OTOGL: variants seen among roughly 807,000 people sequenced by gnomAD.
OTOGL encodes the protein otogelin like.
A neutral mutation model predicts 318.5 loss-of-function variants in OTOGL; 285 were observed. The observed-to-expected ratio is 0.89, with a 90% CI of 0.81 to 0.99. The LOEUF (loss-of-function observed/expected upper bound fraction) is 0.99, where lower values mean the gene tolerates loss of function less well. OTOGL is among the 50% of genes least tolerant of loss of function. The probability of loss-of-function intolerance (pLI) is 0.00; values close to 1 mark genes in which losing one functional copy is unlikely to be tolerated. For synonymous variants in OTOGL, 987 were observed against 936.5 expected (o/e 1.05, Z -0.99); for missense variants, 2,899 against 2,845.6 (o/e 1.02, Z -0.43).
At position 80,370,587 on chromosome 12, in the gene OTOGL, C is replaced by T. The variant is rs1243997251; in HGVS notation, c.6633C>T (p.His2211=). The part of the protein sequence containing the change: ...SVVYAVGSTW[H]YNCTTYECVK... ...ATTTTTAGGTAGGGAGTACCTGGCA[C>T]TACAATTGCACCACATATGAATGTG... The change falls in exon 56 of 59, where the codon CAC becomes CAT. Residue 2211 remains histidine (H), a synonymous_variant. Coordinates refer to ENST00000547103, the MANE Select transcript of OTOGL (RefSeq NM_001378609.3). 1.4e-5 allele frequency: 22 copies of T among 1,547,188 alleles called. No individual in the cohort carries two copies. The highest frequency in any genetic ancestry group is 1.7e-5 in the Non-Finnish European group (20 of 1,149,024).
intron 1 of OTOGL, among the ~76,000 whole-genome samples, chr12:80,161,362 T>G (rs533674332): frequency 6.6e-6 from 1 of 152,206 alleles, no homozygotes; most frequent in African/African-American, 2.4e-5. Context: ...TATAAAAAAT[T>G]ACCTAATGTT....
At chr12:80,136,069 T>A (rs934712994) in intron 1 of OTOGL, among the ~76,000 whole-genome samples, 1 of 152,244 alleles carries the variant, frequency 6.6e-6, no homozygotes, top group African/African-American at 2.4e-5. Flanking sequence ...CTGTCTATCT[T>A]TTTCCTATTG....
intron 26 of OTOGL, among the ~76,000 whole-genome samples, chr12:80,295,156 A>ATTTTTTTT (rs1565961509): frequency 1.3e-5 from 1 of 78,208 alleles, no homozygotes; most frequent in Non-Finnish European, 2.2e-5. Flanking sequence ...TGATTGCCGA[A>ATTTTTTTT]CTTTTTTTTT....
intron 18 of OTOGL, 60 bp from the exon 19 acceptor site, chr12:80,261,909 G>A: frequency 6.5e-7 from 1 of 1,542,824 alleles, no homozygotes; most frequent in Non-Finnish European, 8.8e-7. Flanking sequence ...TTAAATATCT[G>A]AAGGTTATGA....
intron 1 of OTOGL, among the ~76,000 whole-genome samples, chr12:80,181,331 T>TTCTC (rs57549257): frequency 0.14 from 20,578 of 149,160 alleles, 1,519 homozygotes; most frequent in African/African-American, 0.2. Flanking sequence ...TTAAATTTAC[T>TTCTC]TCTCTCTCTC....
chr12:80,295,644 C>T (rs1885341923), intron 26 of OTOGL, among the ~76,000 whole-genome samples: 1 of 152,194 alleles, frequency 6.6e-6, no homozygotes, highest in African/African-American at 2.4e-5. Context: ...GAAGTCTCTA[C>T]TGTCCACAAT....
At chr12:80,187,703 C>T (rs1368670234) in intron 1 of OTOGL, among the ~76,000 whole-genome samples, 2 of 152,182 alleles carry the variant, frequency 1.3e-5, no homozygotes, top group Admixed American at 6.5e-5. Flanking sequence ...AATCAGACTT[C>T]CTTGGATCTG....
chr12:80,232,332 T>C (rs888646412), intron 8 of OTOGL, among the ~76,000 whole-genome samples: 1 of 152,216 alleles, frequency 6.6e-6, no homozygotes, highest in Non-Finnish European at 1.5e-5. Flanking sequence ...CCTTTGATTT[T>C]TTTTAGAAAA....
At chr12:80,185,491 G>A (rs925227825) in intron 1 of OTOGL, among the ~76,000 whole-genome samples, 1 of 152,118 alleles carries the variant, frequency 6.6e-6, no homozygotes, top group Non-Finnish European at 1.5e-5. Context: ...GTTTTGCCAT[G>A]TTGGCCAGGC....
At chr12:80,136,247 A>G (rs1381398859) in intron 1 of OTOGL, among the ~76,000 whole-genome samples, 1 of 152,070 alleles carries the variant, frequency 6.6e-6, no homozygotes, top group Non-Finnish European at 1.5e-5. Context: ...CATTTCCTCA[A>G]AACCACTCTT....
intron 9 of OTOGL, among the ~76,000 whole-genome samples, chr12:80,233,802 G>C (rs1031971775): frequency 9.2e-5 from 14 of 152,222 alleles, no homozygotes; most frequent in Middle Eastern, 3.4e-3. Context: ...CAGTGAACTT[G>C]GGTTTGAATC....
chr12:80,365,940 C>T (rs1164670763), intron 52 of OTOGL, among the ~76,000 whole-genome samples: 1 of 152,052 alleles, frequency 6.6e-6, no homozygotes, highest in Non-Finnish European at 1.5e-5. Context: ...TTTGTCAGTC[C>T]TGATAGGGCA....
intron 9 of OTOGL, among the ~76,000 whole-genome samples, chr12:80,236,615 T>TGAAAG (rs1425690514): frequency 6.6e-6 from 1 of 152,146 alleles, no homozygotes; most frequent in Non-Finnish European, 1.5e-5. Flanking sequence ...AAAAATGTTT[T>TGAAAG]GAAAGGAAAT....
intron 5 of OTOGL, 55 bp downstream of exon 5, chr12:80,217,719 G>A: frequency 7.8e-7 from 1 of 1,282,150 alleles, no homozygotes; most frequent in South Asian, 1.3e-5. Context: ...TCCCTTTGGG[G>A]GATATATTGA....
intron 1 of OTOGL, among the ~76,000 whole-genome samples, chr12:80,162,337 C>T (rs114014051): frequency 0.013 from 2,014 of 152,176 alleles, 51 homozygotes; most frequent in African/African-American, 0.045. Context: ...TGTTTATAGG[C>T]AAATGCAGTT....
chr12:80,216,754 G>T (rs1455330598), intron 4 of OTOGL, among the ~76,000 whole-genome samples: 1 of 152,112 alleles, frequency 6.6e-6, no homozygotes, highest in African/African-American at 2.4e-5. Flanking sequence ...ACGGAGTCAG[G>T]ATTCTAATCC....
At chr12:80,201,765 A>G (rs138036443) in intron 1 of OTOGL, among the ~76,000 whole-genome samples, 17 of 152,310 alleles carry the variant, frequency 1.1e-4, no homozygotes, top group Non-Finnish European at 2.1e-4. Flanking sequence ...CACTGGCCAG[A>G]GAAAGTCAGT....
chr12:80,356,913 T>C lies in OTOGL; in HGVS notation c.6018T>C (p.Cys2006=). The change falls in exon 49 of 59, where the codon TGT becomes TGC. Residue 2006 remains cysteine (C), a splice_region_variant and synonymous_variant. Coordinates refer to ENST00000547103, the MANE Select transcript of OTOGL (RefSeq NM_001378609.3). ...QEEPCCFSPF[C]VCESCTKPVP... Reference sequence around the variant, plus strand: ...AACCTTGTTGTTTTTCCCCTTTTTGTGGTGAGTATTGTAGAGATAATTTCT... The same window carrying C: ...AACCTTGTTGTTTTTCCCCTTTTTGCGGTGAGTATTGTAGAGATAATTTCT... 6.4e-7 allele frequency: 1 copy of C among 1,573,392 alleles called. No individual in the cohort carries two copies.
At position 80,339,169 on chromosome 12, in the gene OTOGL, C is replaced by T; in HGVS notation, c.4955C>T (p.Ala1652Val). ...SGSMYVITTP[A>V]GLIIKWSHLT... is the part of the protein sequence containing the mutation. ...TCAATGTATGTAATTACTACTCCAG[C>T]TGGACTAATCATAAAGTGGTCTCAT... Residue 1652 changes from alanine (A) to valine (V), a missense_variant, in exon 43 of 59, where the codon GCT becomes GTT. Coordinates refer to ENST00000547103, the MANE Select transcript of OTOGL (RefSeq NM_001378609.3). The T allele has an allele frequency of 6.2e-7, 1 of 1,610,882 alleles. No homozygotes were observed. The highest frequency in any genetic ancestry group is 8.5e-7 in the Non-Finnish European group (1 of 1,177,294).
Sources: gnomAD v4.1 joint callset for allele counts (sites outside exome capture counted in the v4.1 genomes callset) on GRCh38, gnomAD v4.1.1 for gene constraint, MANE v1.5 for transcripts, NCBI Gene and HGNC (gene_info 2026-07-23, HGNC 2026-07-21) for gene names.